MBNL1: variants seen among roughly 807,000 people sequenced by gnomAD.
MBNL1 encodes the protein muscleblind like splicing regulator 1.
A neutral mutation model predicts 42.2 loss-of-function variants in MBNL1; 8 were observed. The observed-to-expected ratio is 0.19, with a 90% confidence interval of 0.11 to 0.34. The LOEUF is 0.34. MBNL1 is among the 10% of genes least tolerant of loss of function. The probability of loss-of-function intolerance (pLI) is 1.00; values close to 1 mark genes in which losing one functional copy is unlikely to be tolerated. For missense variants in MBNL1, 309 were observed against 495.3 expected, an observed-to-expected ratio of 0.62 and a Z score of 3.57; for synonymous variants, 169 against 173.9, an observed-to-expected ratio of 0.97 and a Z score of 0.22.
intron 2 of MBNL1, among the ~76,000 whole-genome samples, chr3:152,346,356 C>T (rs1049189409): frequency 1.3e-5 from 2 of 152,072 alleles, no homozygotes; most frequent in African/African-American, 4.8e-5. Flanking sequence ...CTGTTTAAAT[C>T]ATCGTTTATT....
At chr3:152,447,251 A>G (rs1245717013) in intron 5 of MBNL1, among the ~76,000 whole-genome samples, 1 of 152,176 alleles carries the variant, frequency 6.6e-6, no homozygotes, top group Non-Finnish European at 1.5e-5. Flanking sequence ...AACTATTAAC[A>G]TTGCTTATAC....
At chr3:152,261,678 T>C (rs1345459001) in intron 2 of MBNL1, among the ~76,000 whole-genome samples, 1 of 152,168 alleles carries the variant, frequency 6.6e-6, no homozygotes, top group African/African-American at 2.4e-5. Flanking sequence ...CCTCAGCCTC[T>C]AGGAAAGAAA....
intron 2 of MBNL1, among the ~76,000 whole-genome samples, chr3:152,371,714 C>G (rs779931397): frequency 6.6e-6 from 1 of 152,242 alleles, no homozygotes; most frequent in Non-Finnish European, 1.5e-5. Flanking sequence ...CGACCTTTCT[C>G]TCTGGCTGCC....
At chr3:152,265,576 C>T (rs1270796464), upstream of MBNL1, 3 of 152,108 alleles carry the variant, frequency 2.0e-5, no homozygotes, top group South Asian at 4.1e-4. Flanking sequence ...TAAATGCTGC[C>T]ATTATCTTTA....
In MBNL1 at chr3:152,454,219, T is replaced by A. The variant is rs149827247; in HGVS notation, c.962-1323T>A. Reference sequence around the variant, plus strand: ...ATGTGTCCCCAGATACATTACAGAGTTTAATCGTTGATCACTCTGCCCACA... The same window carrying A: ...ATGTGTCCCCAGATACATTACAGAGATTAATCGTTGATCACTCTGCCCACA... On this transcript the variant is annotated intron_variant, in intron 6 of 9. Coordinates refer to ENST00000324210, the MANE Select transcript of MBNL1 (RefSeq NM_021038.5). Among the ~76,000 whole-genome samples the A allele has an allele frequency of 1.9e-4, 29 of 152,252 alleles. No homozygotes were observed. The East Asian group carries it at 5.6e-3, about 29-fold the overall frequency.
At chr3:152,314,829 T>C (rs1482136736) in intron 2 of MBNL1, among the ~76,000 whole-genome samples, 1 of 152,172 alleles carries the variant, frequency 6.6e-6, no homozygotes, top group Non-Finnish European at 1.5e-5. Flanking sequence ...TTTTCAGAAA[T>C]AATACAGCCT....
At chr3:152,334,772 G>A (rs1578154435) in intron 2 of MBNL1, among the ~76,000 whole-genome samples, 1 of 152,218 alleles carries the variant, frequency 6.6e-6, no homozygotes, top group African/African-American at 2.4e-5. Context: ...AATTTAAAAA[G>A]GATTCATCAA....
intron 1 of MBNL1, among the ~76,000 whole-genome samples, chr3:152,278,426 T>A (rs1362711190): frequency 6.6e-6 from 1 of 152,054 alleles, no homozygotes; most frequent in Non-Finnish European, 1.5e-5. Context: ...TTCCAAAAAA[T>A]AATTTGAGAA....
intron 1 of MBNL1, among the ~76,000 whole-genome samples, chr3:152,298,158 G>A (rs981580199): frequency 8.5e-5 from 13 of 152,086 alleles, no homozygotes; most frequent in African/African-American, 2.7e-4. Context: ...TATACCATAT[G>A]CCAATAGAGC....
Position 152,415,017 on chromosome 3 carries a change from G to A in MBNL1, c.251G>A (p.Arg84His). The change falls in exon 3 of 10, where the codon CGC (arginine) becomes CAC (histidine). Residue 84 changes from arginine to histidine, a missense_variant. Arg to His is a conservative substitution (Grantham distance 29). Coordinates refer to ENST00000324210, the MANE Select transcript of MBNL1 (RefSeq NM_021038.5). ...HLKTQLEING[R>H]NNLIQQKNMA... is the part of the protein sequence containing the mutation. The stretch of plus-strand genomic sequence containing the variant: ...AAAACGCAGTTGGAGATAAATGGAC[G>A]CAATAACTTGATTCAGCAGAAGAAC... 6 of 1,608,626 alleles carry A rather than the reference G, an allele frequency of 3.7e-6. No homozygotes were observed. The highest frequency in any genetic ancestry group is 5.1e-6 in the Non-Finnish European group (6 of 1,178,366).
chr3:152,261,028 G>T (rs1373981590), intron 2 of MBNL1, among the ~76,000 whole-genome samples: 1 of 152,166 alleles, frequency 6.6e-6, no homozygotes, highest in East Asian at 1.9e-4. Context: ...AGGAAAAAAT[G>T]GAACAGGTCA....
chr3:152,286,196 G>A (rs1412875025), intron 1 of MBNL1, among the ~76,000 whole-genome samples: 2 of 150,240 alleles, frequency 1.3e-5, no homozygotes, highest in East Asian at 3.9e-4. Context: ...TGAAGAAAAC[G>A]ATTTGACTAA....
intron 1 of MBNL1, among the ~76,000 whole-genome samples, chr3:152,272,924 A>C (rs1215357895): frequency 6.6e-6 from 1 of 152,232 alleles, no homozygotes; most frequent in Non-Finnish European, 1.5e-5. Flanking sequence ...CTAGCCATAT[A>C]AAGTATGCTT....
At chr3:152,451,171 A>G (rs906342338) in intron 6 of MBNL1, among the ~76,000 whole-genome samples, 2 of 152,202 alleles carry the variant, frequency 1.3e-5, no homozygotes, top group African/African-American at 4.8e-5. Context: ...TCAGATGTGT[A>G]GATATATTTT....
intron 2 of MBNL1, among the ~76,000 whole-genome samples, chr3:152,354,941 A>G (rs944390600): frequency 3.9e-5 from 6 of 152,060 alleles, no homozygotes; most frequent in African/African-American, 1.4e-4. Flanking sequence ...ATTTTTACCT[A>G]TTTTCAGCAG....
At chr3:152,428,138 A>G (rs1318320640) in intron 3 of MBNL1, among the ~76,000 whole-genome samples, 1 of 152,134 alleles carries the variant, frequency 6.6e-6, no homozygotes, top group Admixed American at 6.5e-5. Context: ...AAAGAAAGAA[A>G]CAATCACTTT....
intron 4 of MBNL1, among the ~76,000 whole-genome samples, chr3:152,437,698 T>C (rs1352320192): frequency 1.3e-5 from 2 of 152,146 alleles, no homozygotes; most frequent in East Asian, 3.8e-4. Flanking sequence ...TTTATATCAA[T>C]ATTCATATTA....
intron 4 of MBNL1, among the ~76,000 whole-genome samples, chr3:152,443,205 T>C (rs1204742924): frequency 8.5e-6 from 1 of 118,104 alleles, no homozygotes; most frequent in Non-Finnish European, 1.7e-5. Flanking sequence ...CACACACACA[T>C]GCAAATACAT....
chr3:152,430,163 T>C (rs1374121216), intron 3 of MBNL1, among the ~76,000 whole-genome samples: 1 of 152,246 alleles, frequency 6.6e-6, no homozygotes, highest in East Asian at 1.9e-4. Context: ...AGCTGCATCA[T>C]ATGCATTTTT....
Sources: gnomAD v4.1 joint callset for allele counts (sites outside exome capture counted in the v4.1 genomes callset) on GRCh38, gnomAD v4.1.1 for gene constraint, MANE v1.5 for transcripts, NCBI Gene and HGNC (gene_info 2026-07-23, HGNC 2026-07-21) for gene names.